The following REDIC1 variants were observed in gnomAD, a reference collection of about 807,000 sequenced individuals.
REDIC1 encodes regulator of DNA class I crossover intermediates 1.
At chr12:39,782,933 T>G in the REDIC1 span, among the ~76,000 whole-genome samples, 1 of 152,108 alleles carries the variant, frequency 6.6e-6, no homozygotes, top group Non-Finnish European at 1.5e-5. Flanking sequence ...AGGTTTGTTA[T>G]GTATGTATAC....
the REDIC1 span, chr12:39,720,890 C>T: frequency 6.2e-7 from 1 of 1,613,274 alleles, no homozygotes; most frequent in Non-Finnish European, 8.5e-7. Context: ...GAAAGGATGG[C>T]AAAACTTTCA....
At chr12:39,773,515 GCCTTTTAAAATGTTACCTCT>G in the REDIC1 span, among the ~76,000 whole-genome samples, 1 of 152,132 alleles carries the variant, frequency 6.6e-6, no homozygotes, top group African/African-American at 2.4e-5. Context: ...ATCTATTTCT[GCCTTTTAAAATGTTACCTCT>G]CCATCATTTA....
the REDIC1 span, among the ~76,000 whole-genome samples, chr12:39,708,528 AT>A: frequency 1.3e-5 from 2 of 151,596 alleles, no homozygotes; most frequent in Admixed American, 1.3e-4. Context: ...AACTTACCAT[AT>A]TTTCTTCTAG....
the REDIC1 span, among the ~76,000 whole-genome samples, chr12:39,732,625 G>A: frequency 2.0e-5 from 3 of 152,114 alleles, no homozygotes; most frequent in African/African-American, 7.2e-5. Context: ...TATAAGAAAG[G>A]CAAGACAAAT....
the REDIC1 span, among the ~76,000 whole-genome samples, chr12:39,841,728 T>C: frequency 6.6e-6 from 1 of 152,020 alleles, no homozygotes; most frequent in African/African-American, 2.4e-5. Flanking sequence ...TGCAACATGC[T>C]TTTTTCAGAG....
chr12:39,896,358 G>GTATACATATA, the REDIC1 span, among the ~76,000 whole-genome samples: 1 of 137,072 alleles, frequency 7.3e-6, no homozygotes, highest in Admixed American at 7.4e-5. Flanking sequence ...GTATGTATAT[G>GTATACATATA]TGTATATATG....
chr12:39,878,834 A>T, the REDIC1 span, among the ~76,000 whole-genome samples: 3 of 152,360 alleles, frequency 2.0e-5, no homozygotes, highest in South Asian at 6.2e-4. Flanking sequence ...AGGTGCTAAT[A>T]GCCAAGACTA....
At chr12:39,900,247 AAAAACT>A in the REDIC1 span, among the ~76,000 whole-genome samples, 1 of 152,132 alleles carries the variant, frequency 6.6e-6, no homozygotes, top group Non-Finnish European at 1.5e-5. Context: ...CTGAATGGGC[AAAAACT>A]GGAAGCATTC....
the REDIC1 span, among the ~76,000 whole-genome samples, chr12:39,886,991 A>G: frequency 6.6e-6 from 1 of 152,334 alleles, no homozygotes; most frequent in Admixed American, 6.5e-5. Flanking sequence ...AGGCAATACT[A>G]AACATTTTAG....
the REDIC1 span, among the ~76,000 whole-genome samples, chr12:39,769,979 T>G: frequency 1.3e-5 from 2 of 152,254 alleles, no homozygotes; most frequent in East Asian, 3.9e-4. Context: ...TTGATGCTCT[T>G]TGATTACTCT....
the REDIC1 span, among the ~76,000 whole-genome samples, chr12:39,671,205 T>C: frequency 6.6e-6 from 1 of 152,246 alleles, no homozygotes. Context: ...GACTTTTTCC[T>C]ATAGGTGTAT....
At chr12:39,632,871 C>T in the REDIC1 span, among the ~76,000 whole-genome samples, 17 of 151,918 alleles carry the variant, frequency 1.1e-4, no homozygotes, top group African/African-American at 4.1e-4. Flanking sequence ...ATGAATGGAG[C>T]CTGCAGTACT....
chr12:39,749,230 A>G, the REDIC1 span, among the ~76,000 whole-genome samples: 1 of 152,206 alleles, frequency 6.6e-6, no homozygotes, highest in African/African-American at 2.4e-5. Context: ...AAAAATGATA[A>G]AGGGGATATC....
chr12:39,665,529 T>C, the REDIC1 span, among the ~76,000 whole-genome samples: 1 of 150,354 alleles, frequency 6.7e-6, no homozygotes, highest in South Asian at 2.1e-4. Context: ...TTTGTTCTTT[T>C]GGCTTAGGAT....
At chr12:39,905,817 G>T in the REDIC1 span, among the ~76,000 whole-genome samples, 1 of 45,260 alleles carries the variant, frequency 2.2e-5, no homozygotes, top group African/African-American at 8.4e-5. Flanking sequence ...TTATTAAAAT[G>T]CCCAGAAAAA....
chr12:39,747,022 T>G, the REDIC1 span, among the ~76,000 whole-genome samples: 958 of 152,044 alleles, frequency 6.3e-3, 7 homozygotes, highest in African/African-American at 0.022. Flanking sequence ...AGAGCACCTC[T>G]CCCCCTCCAA....
chr12:39,670,206 T>A, the REDIC1 span, among the ~76,000 whole-genome samples: 2 of 152,130 alleles, frequency 1.3e-5, no homozygotes, highest in African/African-American at 4.8e-5. Flanking sequence ...TATTTATTTT[T>A]TTGAGATAGA....
chr12:39,764,725 G>A, the REDIC1 span: 1 of 1,611,016 alleles, frequency 6.2e-7, no homozygotes, highest in East Asian at 2.2e-5. Flanking sequence ...GTATAACAAA[G>A]TCTTTGTTTA....
the REDIC1 span, among the ~76,000 whole-genome samples, chr12:39,801,465 G>T: frequency 6.6e-6 from 1 of 152,030 alleles, no homozygotes; most frequent in Non-Finnish European, 1.5e-5. Flanking sequence ...ATCTGCTTGA[G>T]AGGGCTGACC....
Sources: gnomAD v4.1 joint callset for allele counts (sites outside exome capture counted in the v4.1 genomes callset) on GRCh38, gnomAD v4.1.1 for gene constraint, MANE v1.5 for transcripts, NCBI Gene and HGNC (gene_info 2026-07-23, HGNC 2026-07-21) for gene names.